Variants in LZTR1 observed in about 807,000 individuals in gnomAD.
LZTR1 encodes the protein leucine zipper like post translational regulator 1, also known as leucine-zipper-like transcriptional regulator 1.
A neutral mutation model predicts 105.7 loss-of-function variants in LZTR1; 260 were observed. That is an observed-to-expected ratio of 2.46 (90% CI 2.22 to 2.72). The LOEUF is 2.72. Among genes scored for constraint, LZTR1 ranks in the 30% most tolerant of loss-of-function variants. LZTR1 has a pLI of 0.00. For missense variants in LZTR1, 1,214 were observed against 1,166.9 expected (o/e 1.04, Z -0.59); for synonymous variants, 490 against 476.4 (o/e 1.03, Z -0.37).
At position 20,988,063 on chromosome 22, in the gene LZTR1, C is replaced by T. The variant is rs376500345; in HGVS notation, c.454C>T (p.Leu152Phe). ...TTCTAACTTGAAGAATAAAAACGAC[C>T]TCTTTGAATACAAGTTTGCAACTGG... ...SNSNLKNKND[L>F]FEYKFATGQW... The change falls in exon 5 of 21, where the codon CTC (leucine) becomes TTC (phenylalanine). Residue 152 changes from leucine (L) to phenylalanine (F), a missense_variant. Coordinates refer to ENST00000646124, the MANE Select transcript of LZTR1 (RefSeq NM_006767.4). The T allele has an allele frequency of 1.2e-6, 2 of 1,613,500 alleles. No homozygotes were observed. The highest frequency in any genetic ancestry group is 8.5e-7 in the Non-Finnish European group (1 of 1,179,476).
In LZTR1 at chr22:20,992,095, C is replaced by T. The variant is rs2072066; in HGVS notation, c.994-119C>T. On this transcript the variant is annotated intron_variant, in intron 9 of 20. Transcript: ENST00000646124. The stretch of plus-strand genomic sequence containing the variant: ...CTGCAGACCTTTCCTGGGAAGCCCA[C>T]GGCCATGCAGCTCTTCCTTCTTTCA... 138,071 of 1,029,616 alleles carry T rather than the reference C, an allele frequency of 0.13. 9,964 individuals carry two copies. The highest frequency in any genetic ancestry group is 0.25 in the East Asian group (10,330 of 41,612). 63.8% of individuals were successfully genotyped at this position (1,029,616 alleles called of 1,614,324 possible).
chr22:20,991,888 C>T, intron 9 of LZTR1, 59 bp downstream of exon 9: 1 of 1,452,414 alleles, frequency 6.9e-7, no homozygotes, highest in South Asian at 1.3e-5. Context: ...TCCTACCCTG[C>T]TCCCACCCAG....
intron 1 of LZTR1, 152 bp downstream of exon 1, chr22:20,982,723 G>A: frequency 1.3e-6 from 1 of 788,442 alleles, no homozygotes; most frequent in Non-Finnish European, 2.0e-6. Flanking sequence ...CAGGGCAGGG[G>A]AGAGGGTTCC....
intron 8 of LZTR1, chr22:20,991,014 A>C (rs117441534): frequency 0.022 from 3,559 of 164,158 alleles, 190 homozygotes; most frequent in East Asian, 0.18. Context: ...CCTGGAGGCC[A>C]CGGGTGCGTG....
intron 4 of LZTR1, 21 bp from the exon 5 acceptor site, chr22:20,987,989 T>C (rs1472024948): frequency 7.0e-7 from 1 of 1,435,518 alleles, no homozygotes; most frequent in Non-Finnish European, 9.8e-7. Context: ...GGTTTGACAG[T>C]TTCTCACTCT....
chr22:20,996,959 T>C lies in LZTR1; in HGVS notation c.2399T>C (p.Phe800Ser). Reference sequence around the variant, plus strand: ...TGCCTGCACATCATTGTGCACCAGTTCACCAAGGTCAGGGCTCTGGCCTCC... The same window carrying C: ...TGCCTGCACATCATTGTGCACCAGTCCACCAAGGTCAGGGCTCTGGCCTCC... ...RHCLHIIVHQFTKVSKLPTLR... is the reference protein window; with the variant it reads ...RHCLHIIVHQSTKVSKLPTLR... Residue 800 changes from phenylalanine to serine, a missense_variant, in exon 20 of 21, where the codon TTC becomes TCC. Physicochemically the swap from Phe to Ser is radical, Grantham distance 155. Coordinates refer to ENST00000646124, the MANE Select transcript of LZTR1 (RefSeq NM_006767.4). 6.2e-7 allele frequency: 1 copy of C among 1,613,706 alleles called. No homozygotes were observed.
Position 20,994,929 on chromosome 22 carries a change from G to C in LZTR1, c.1845G>C (p.Lys615Asn), listed in dbSNP as rs1924773649. 2 of 1,613,304 alleles carry C rather than the reference G, an allele frequency of 1.2e-6. No homozygotes were observed. The highest frequency in any genetic ancestry group is 1.7e-6 in the Non-Finnish European group (2 of 1,180,034). The stretch of plus-strand genomic sequence containing the variant: ...ACTTCAACCAGGTGATCATGATGAA[G>C]GAGTTCGAGCGCCTCTCCTCTCCAC... ...ESHFNQVIMM[K>N]EFERLSSPLI... Residue 615 changes from lysine to asparagine, a missense_variant, in exon 16 of 21, where the codon AAG becomes AAC. Physicochemically the swap from Lys to Asn is moderately conservative, Grantham distance 94 (BLOSUM62 0). Transcript: ENST00000646124.
intron 12 of LZTR1, 21 bp from the exon 13 acceptor site, chr22:20,993,890 TGTGCCCTCTGCCA>T (rs1924699738): frequency 1.9e-6 from 3 of 1,596,380 alleles, no homozygotes; most frequent in Non-Finnish European, 2.6e-6. Flanking sequence ...GCGAGGGTCC[TGTGCCCTCTGCCA>T]GTGCATCATT....
rs2147958500 is a variant in LZTR1, at chr22:20,984,515, A to C, written c.264-1326A>C. The stretch of plus-strand genomic sequence containing the variant: ...ACATTTTTGCTGCAGTATGACAAAG[A>C]AATAGGATACAAATTTGTCTCACAC... On this transcript the variant is annotated intron_variant, in intron 2 of 20. Transcript: ENST00000646124. 2.0e-5 allele frequency among the ~76,000 whole-genome samples: 3 copies of C among 150,284 alleles called. No individual in the cohort carries two copies. The South Asian group carries it at 6.3e-4, about 32-fold the overall frequency.
In LZTR1 at chr22:20,991,646, T is replaced by G. The variant is rs765611458; in HGVS notation, c.810T>G (p.Thr270=). 8 of 1,599,064 alleles carry G rather than the reference T, an allele frequency of 5.0e-6. No individual in the cohort carries two copies. Among genetic ancestry groups the G allele is most frequent in the Non-Finnish European group, 5.9e-6 (7 of 1,177,196 alleles). Residue 270 remains threonine, a synonymous_variant, in exon 9 of 21, where the codon ACT becomes ACG. Transcript: ENST00000646124. The stretch of plus-strand genomic sequence containing the variant: ...CCCCCAGGTGGACACGCATCCCAAC[T>G]GAACACCTGCTCCGGGGCTCCCCAC... ...FKDKTWTRIP[T]EHLLRGSPPP...
rs1924219267 is a variant in LZTR1, at chr22:20,982,324, T to C, written c.-48T>C. ...GGTTTCTCCAGCCGGCCCGGGGCGG[T>C]GGCCGCAAGTTGGGCTTACAGCGCG... On this transcript the variant is annotated 5_prime_UTR_variant, in exon 1 of 21. Coordinates refer to ENST00000646124, the MANE Select transcript of LZTR1 (RefSeq NM_006767.4). 2.2e-5 allele frequency: 32 copies of C among 1,437,050 alleles called. No individual in the cohort carries two copies. The highest frequency in any genetic ancestry group is 2.8e-5 in the Non-Finnish European group (30 of 1,066,382). The allele number at this position is 1,437,050 out of a possible 1,614,324, so 89.0% of individuals were successfully genotyped here.
At chr22:20,991,341 CG>C (rs1173897415) in intron 8 of LZTR1, 1 of 480,168 alleles carries the variant, frequency 2.1e-6, no homozygotes, top group African/African-American at 1.9e-5. Flanking sequence ...ACTGCCTGGG[CG>C]GGTCAGATGC....
At chr22:20,996,435 C>T (rs1416965880) in intron 18 of LZTR1, 1 of 592,258 alleles carries the variant, frequency 1.7e-6, no homozygotes, top group Non-Finnish European at 3.0e-6. Flanking sequence ...GGGGTCTGAA[C>T]ATGGAGGGTC....
At chr22:20,989,552 T>A in intron 6 of LZTR1, 73 bp from the exon 7 acceptor site, 1 of 1,236,000 alleles carries the variant, frequency 8.1e-7, no homozygotes. Flanking sequence ...CCTGCAGCCA[T>A]CCCTTCCAGC....
chr22:20,996,160 G>T (rs1197187005), intron 18 of LZTR1, 48 bp downstream of exon 18: 2 of 1,597,088 alleles, frequency 1.3e-6, no homozygotes, highest in East Asian at 4.5e-5. Flanking sequence ...AAGGGGTCCT[G>T]GCACCCACCT....
chr22:20,991,603 T>C lies in LZTR1; in HGVS notation c.792-25T>C, dbSNP rs773927864. ...GTGAGCAGGAGCCCCTGTCCCAGCATTGATTCACTGTTGTGTACCCCCAGG... is the reference window on the plus strand; with the variant it reads ...GTGAGCAGGAGCCCCTGTCCCAGCACTGATTCACTGTTGTGTACCCCCAGG... On this transcript the variant is annotated intron_variant, in intron 8 of 20. Coordinates refer to ENST00000646124, the MANE Select transcript of LZTR1 (RefSeq NM_006767.4). The C allele has an allele frequency of 3.3e-5, 51 of 1,528,670 alleles. 1 individual carries two copies. The highest frequency in any genetic ancestry group is 1.5e-4 in the Admixed American group (8 of 53,024). The allele number at this position is 1,528,670 out of a possible 1,614,324, so 94.7% of individuals were successfully genotyped here.
chr22:20,991,971 G>A, intron 9 of LZTR1, 142 bp downstream of exon 9: 1 of 859,776 alleles, frequency 1.2e-6, no homozygotes, highest in Non-Finnish European at 1.8e-6. Context: ...CTGGGCCTCA[G>A]CCCTGGACAC....
At chr22:20,989,992 C>T (rs1413389938) in intron 7 of LZTR1, among the ~76,000 whole-genome samples, 1 of 152,176 alleles carries the variant, frequency 6.6e-6, no homozygotes, top group Non-Finnish European at 1.5e-5. Context: ...TGTGGTTTTG[C>T]TTTAACGCAC....
At chr22:20,990,362 C>T (rs200945253) in intron 7 of LZTR1, 24 bp from the exon 8 acceptor site, 29 of 1,613,770 alleles carry the variant, frequency 1.8e-5, no homozygotes, top group South Asian at 1.1e-5. Flanking sequence ...GAGGCCGGGG[C>T]TGAGCTGTCC....
Sources: allele counts gnomAD v4.1 joint callset (sites outside exome capture counted in the v4.1 genomes callset), GRCh38; gene constraint gnomAD v4.1.1; transcripts MANE v1.5; gene names NCBI Gene and HGNC (gene_info 2026-07-23, HGNC 2026-07-21).